Variants in SIPA1L3 observed in about 807,000 individuals in gnomAD.
SIPA1L3 encodes signal induced proliferation associated 1 like 3.
A neutral mutation model predicts 150.1 loss-of-function variants in SIPA1L3; 59 were observed. The observed-to-expected ratio is 0.39, with a 90% CI of 0.32 to 0.49. The LOEUF is 0.49. SIPA1L3 is among the 20% of genes least tolerant of loss of function. The probability of loss-of-function intolerance (pLI) is 0.86; values close to 1 mark genes in which losing one functional copy is unlikely to be tolerated. For missense variants in SIPA1L3, 2,211 were observed against 2,489.5 expected, an observed-to-expected ratio of 0.89 and a Z score of 2.38; for synonymous variants, 1,070 against 1,077.6, an observed-to-expected ratio of 0.99 and a Z score of 0.14.
chr19:38,084,548 TAAAA>T (rs60242010), intron 3 of SIPA1L3, among the ~76,000 whole-genome samples: 7 of 93,520 alleles, frequency 7.5e-5, no homozygotes, highest in South Asian at 3.7e-4. Flanking sequence ...GGGCTTTTCT[TAAAA>T]AAAAAAAAAA....
At chr19:37,918,256 T>C (rs1449815455) in intron 1 of SIPA1L3, among the ~76,000 whole-genome samples, 1 of 151,706 alleles carries the variant, frequency 6.6e-6, no homozygotes, top group East Asian at 2.0e-4. Flanking sequence ...GTTTTTTGTT[T>C]GTTTGATTGT....
At chr19:38,155,402 CT>C (rs778743021) in intron 13 of SIPA1L3, among the ~76,000 whole-genome samples, 2 of 152,168 alleles carry the variant, frequency 1.3e-5, no homozygotes, top group Admixed American at 6.5e-5. Context: ...TTCTTTATGT[CT>C]GTAATTTGCA....
At chr19:38,202,079 C>A in intron 20 of SIPA1L3, 82 bp downstream of exon 20, 1 of 1,402,686 alleles carries the variant, frequency 7.1e-7, no homozygotes, top group Non-Finnish European at 9.6e-7. Flanking sequence ...GAGAGGCAGC[C>A]ATGTGGGTCA....
intron 16 of SIPA1L3, chr19:38,185,676 A>G (rs112685380): frequency 5.6e-4 from 85 of 152,154 alleles, no homozygotes; most frequent in African/African-American, 2.0e-3. Flanking sequence ...GGGTGTCAGC[A>G]CGTAGATTCA....
chr19:38,061,195 T>G (rs1436841939), intron 2 of SIPA1L3, among the ~76,000 whole-genome samples: 1 of 151,726 alleles, frequency 6.6e-6, no homozygotes, highest in East Asian at 1.9e-4. Context: ...CCAGTGACTC[T>G]TTTATTTAGC....
chr19:38,008,138 G>A (rs1213713245), intron 1 of SIPA1L3, among the ~76,000 whole-genome samples: 1 of 150,634 alleles, frequency 6.6e-6, no homozygotes. Context: ...TCTTTTCATG[G>A]ACTCTAAGAA....
intron 1 of SIPA1L3, among the ~76,000 whole-genome samples, chr19:37,948,349 C>G (rs1452120750): frequency 1.3e-5 from 2 of 151,904 alleles, no homozygotes; most frequent in Non-Finnish European, 1.5e-5. Context: ...ACCTGTGGTC[C>G]CAGTTACTCG....
intron 12 of SIPA1L3, among the ~76,000 whole-genome samples, chr19:38,149,937 T>C (rs2145955696): frequency 6.6e-6 from 1 of 152,284 alleles, no homozygotes; most frequent in Non-Finnish European, 1.5e-5. Flanking sequence ...ATCCTAGCCA[T>C]TTTTCCTGAG....
At chr19:38,057,215 G>A (rs1296932463) in intron 2 of SIPA1L3, among the ~76,000 whole-genome samples, 1 of 151,832 alleles carries the variant, frequency 6.6e-6, no homozygotes, top group Admixed American at 6.6e-5. Context: ...ACGTTGCAGT[G>A]AGCTGAAATC....
intron 1 of SIPA1L3, among the ~76,000 whole-genome samples, chr19:37,932,129 G>A (rs1254362513): frequency 8.5e-5 from 13 of 152,326 alleles, no homozygotes; most frequent in Middle Eastern, 3.4e-3. Context: ...CCTCTGCACG[G>A]GCCAAGGAGC....
intron 2 of SIPA1L3, among the ~76,000 whole-genome samples, chr19:38,036,097 C>T (rs1014001721): frequency 1.6e-4 from 25 of 152,218 alleles, no homozygotes; most frequent in African/African-American, 6.0e-4. Context: ...TTGTTCATTC[C>T]TGAGACTTTT....
intron 1 of SIPA1L3, among the ~76,000 whole-genome samples, chr19:37,941,606 G>T (rs1260027755): frequency 6.6e-6 from 1 of 152,088 alleles, no homozygotes; most frequent in Non-Finnish European, 1.5e-5. Context: ...GTGTGGGCAC[G>T]GCTGCTCCAG....
chr19:38,119,893 G>C lies in SIPA1L3; in HGVS notation c.2868+11G>C, dbSNP rs373773586. The C allele has an allele frequency of 6.3e-7, 1 of 1,583,912 alleles. No homozygotes were observed. Among genetic ancestry groups the C allele is most frequent in the East Asian group, 2.2e-5 (1 of 44,558 alleles). On this transcript the variant is annotated intron_variant, in intron 9 of 21. Transcript: ENST00000222345. ...GTGCAGAGACTGAAGGTAAGGGAGAGAGCCCGGCGATAGGGCGGCGATTTG... is the reference window on the plus strand; with the variant it reads ...GTGCAGAGACTGAAGGTAAGGGAGACAGCCCGGCGATAGGGCGGCGATTTG...
intron 2 of SIPA1L3, among the ~76,000 whole-genome samples, chr19:38,055,511 C>T (rs529594404): frequency 4.5e-4 from 69 of 152,372 alleles, no homozygotes; most frequent in African/African-American, 1.6e-3. Flanking sequence ...CAAACTTCCT[C>T]TTCCCTCACA....
In SIPA1L3 at chr19:38,046,051, C is replaced by T. The variant is rs997291905; in HGVS notation, c.-311+16895C>T. On this transcript the variant is annotated intron_variant, in intron 2 of 21. Coordinates refer to ENST00000222345, the MANE Select transcript of SIPA1L3 (RefSeq NM_015073.3). The surrounding 1 kb of genome is among the most constrained non-coding windows in gnomAD (Gnocchi z 5.6). Reference sequence around the variant, plus strand: ...GACAGTTTGTACCGCTCCAGGGTCACGTCAGAGACTCCAGAGCCGCCTCCA... The same window carrying T: ...GACAGTTTGTACCGCTCCAGGGTCATGTCAGAGACTCCAGAGCCGCCTCCA... 6.6e-6 allele frequency among the ~76,000 whole-genome samples: 1 copy of T among 152,148 alleles called. No homozygotes were observed. Among genetic ancestry groups the T allele is most frequent in the Non-Finnish European group, 1.5e-5 (1 of 68,018 alleles).
At chr19:38,049,408 C>T (rs557505023) in intron 2 of SIPA1L3, among the ~76,000 whole-genome samples, 3 of 152,298 alleles carry the variant, frequency 2.0e-5, no homozygotes, top group East Asian at 3.9e-4. Flanking sequence ...CATCTAGCCA[C>T]GTTGCTGGAT....
intron 17 of SIPA1L3, among the ~76,000 whole-genome samples, chr19:38,192,671 A>G (rs1053041434): frequency 4.6e-5 from 7 of 152,136 alleles, no homozygotes; most frequent in Admixed American, 3.9e-4. Context: ...TCCCAGAGGA[A>G]GTTCAGACTC....
intron 2 of SIPA1L3, among the ~76,000 whole-genome samples, chr19:38,068,924 A>G (rs1969655872): frequency 6.6e-6 from 1 of 152,212 alleles, no homozygotes; most frequent in African/African-American, 2.4e-5. Context: ...AGAACACACC[A>G]GTTAACACAC....
intron 6 of SIPA1L3, among the ~76,000 whole-genome samples, chr19:38,106,061 T>G (rs1366677286): frequency 6.6e-6 from 1 of 152,162 alleles, no homozygotes; most frequent in Non-Finnish European, 1.5e-5. Flanking sequence ...TTTACCAGTC[T>G]GGTGGGTACA....
Sources: gnomAD v4.1 joint callset for allele counts (sites outside exome capture counted in the v4.1 genomes callset) on GRCh38, gnomAD v4.1.1 for gene constraint, Gnocchi (gnomAD v3.1) non-coding constraint, MANE v1.5 for transcripts, NCBI Gene and HGNC (gene_info 2026-07-23, HGNC 2026-07-21) for gene names.